The following CCDC57 variants were observed in gnomAD, a reference collection of about 807,000 sequenced individuals.
CCDC57 encodes the protein coiled-coil domain containing 57.
A neutral mutation model predicts 118.9 loss-of-function variants in CCDC57; 118 were observed. The observed-to-expected ratio is 0.99, with a 90% CI of 0.86 to 1.16. CCDC57 has a LOEUF of 1.16. CCDC57 is among the 50% of genes most tolerant of loss of function. The pLI is 0.00. For missense variants in CCDC57, 1,300 were observed against 1,320.7 expected (o/e 0.98, Z 0.24); for synonymous variants, 527 against 532.9 (o/e 0.99, Z 0.15).
At chr17:82,158,859 A>G (rs1273272581) in intron 14 of CCDC57, among the ~76,000 whole-genome samples, 3 of 140,394 alleles carry the variant, frequency 2.1e-5, no homozygotes, top group Admixed American at 1.5e-4. Flanking sequence ...CATCCAGCCT[A>G]TTTCTATTTT....
At chr17:82,211,683 T>C (rs1334941242) in intron 1 of CCDC57, among the ~76,000 whole-genome samples, 1 of 152,144 alleles carries the variant, frequency 6.6e-6, no homozygotes, top group East Asian at 1.9e-4. Flanking sequence ...GACTCTCTCT[T>C]AGCTGAGAGG....
intron 8 of CCDC57, 144 bp from the exon 8 acceptor site, chr17:82,184,076 C>A (rs2046640455): frequency 1.7e-6 from 1 of 591,278 alleles, no homozygotes; most frequent in Non-Finnish European, 3.0e-6. Flanking sequence ...CACACACACA[C>A]ACACACAGCT....
chr17:82,157,395 C>T (rs2042804426), intron 15 of CCDC57: 2 of 1,181,800 alleles, frequency 1.7e-6, no homozygotes, highest in Non-Finnish European at 2.1e-6. Flanking sequence ...GACGCCCCCT[C>T]AGCAGGCCGT....
intron 19 of CCDC57, chr17:82,127,269 G>A (rs1185898021): frequency 5.1e-6 from 5 of 985,122 alleles, no homozygotes; most frequent in Admixed American, 6.2e-5. Context: ...TCTTCCCCGG[G>A]AGCATCGCTG....
intron 2 of CCDC57, among the ~76,000 whole-genome samples, chr17:82,204,366 A>C (rs2049354229): frequency 6.6e-6 from 1 of 151,896 alleles, no homozygotes; most frequent in Admixed American, 6.6e-5. Flanking sequence ...ATGATCCTTG[A>C]CCTCTTGCTG....
chr17:82,108,712 TGACCAGCTG>T (rs2035036420), intron 19 of CCDC57: 1 of 152,188 alleles, frequency 6.6e-6, no homozygotes, highest in Non-Finnish European at 1.5e-5. Context: ...ACTGTGAGCG[TGACCAGCTG>T]GGCTAATTCG....
intron 1 of CCDC57, among the ~76,000 whole-genome samples, chr17:82,209,274 G>A (rs531345521): frequency 1.3e-5 from 2 of 152,316 alleles, no homozygotes; most frequent in South Asian, 4.1e-4. Context: ...AAGTGAGTAA[G>A]TGAGAAATAG....
chr17:82,140,122 G>A (rs1246518894), intron 16 of CCDC57, among the ~76,000 whole-genome samples: 1 of 152,042 alleles, frequency 6.6e-6, no homozygotes, highest in African/African-American at 2.4e-5. Flanking sequence ...GTCACGCTCT[G>A]TTGTCCAGGC....
At chr17:82,109,815 C>T (rs551834654) in intron 19 of CCDC57, among the ~76,000 whole-genome samples, 2 of 151,194 alleles carry the variant, frequency 1.3e-5, no homozygotes, top group Admixed American at 6.6e-5. Flanking sequence ...TGAGATCGCG[C>T]CACCGCACTC....
At chr17:82,184,781 T>C (rs1245965008) in intron 8 of CCDC57, among the ~76,000 whole-genome samples, 2 of 152,150 alleles carry the variant, frequency 1.3e-5, no homozygotes, top group Admixed American at 6.5e-5. Context: ...TGGTATTATA[T>C]AGAATGGAAA....
intron 16 of CCDC57, among the ~76,000 whole-genome samples, chr17:82,142,865 T>C (rs1025805288): frequency 6.6e-6 from 1 of 151,916 alleles, no homozygotes; most frequent in African/African-American, 2.4e-5. Context: ...GCTCGTGAAA[T>C]AGAAAAACAG....
chr17:82,120,271 T>G (rs1043209644), intron 19 of CCDC57, among the ~76,000 whole-genome samples: 1 of 151,906 alleles, frequency 6.6e-6, no homozygotes, highest in Non-Finnish European at 1.5e-5. Context: ...GTTTACAGGC[T>G]GAGTCACTGT....
rs1264583587 is a variant in CCDC57, at chr17:82,172,553, CAGTCA to C, written c.1729+80_1729+84del. ...CTCTGAAATGAAGCCTCCTTGAAGC[CAGTCA>C]AGACCCATGCTCCCGTCTGTCCTCC... On this transcript the variant is annotated intron_variant, in intron 12 of 19. Transcript: ENST00000665763. This position sits in a 1 kb window ranked among gnomAD's most constrained non-coding sequence, Gnocchi z 5.2. 4 of 1,169,818 alleles carry C rather than the reference CAGTCA, an allele frequency of 3.4e-6. No homozygotes were observed. Among genetic ancestry groups the C allele is most frequent in the Non-Finnish European group, 5.0e-6 (4 of 805,792 alleles). The allele number at this position is 1,169,818 out of a possible 1,614,324, so 72.5% of individuals were successfully genotyped here. A position where few individuals can be genotyped will look rare whatever the true frequency, so the allele number is the denominator to read the frequency against.
At chr17:82,157,813 C>T (rs757778067) in exon 15 of CCDC57, 31 of 1,604,906 alleles carry the variant, frequency 1.9e-5, no homozygotes, top group Admixed American at 1.2e-4. Context: ...TCCGCTCCCC[C>T]GTGCTGGGCT....
intron 2 of CCDC57, among the ~76,000 whole-genome samples, chr17:82,204,304 T>C (rs1312448736): frequency 6.6e-6 from 1 of 152,152 alleles, no homozygotes; most frequent in Non-Finnish European, 1.5e-5. Context: ...CCCACGCTCC[T>C]GTTCCTCGTC....
In CCDC57 at chr17:82,151,572, C is replaced by A; in HGVS notation, c.2443G>T (p.Gly815Cys). 1.9e-6 allele frequency: 3 copies of A among 1,550,336 alleles called. No homozygotes were observed. The South Asian group carries it at 3.6e-5, about 18-fold the overall frequency. The change falls in exon 16 of 20, where the codon GGC (glycine) becomes TGC (cysteine). Residue 815 changes from glycine (G) to cysteine (C), a missense_variant. By Grantham distance (159) the Gly-to-Cys change is radical. Transcript: ENST00000665763. ...TTCCCGGACTCACTTTCGGGTCGGC[C>A]CAGCTCTGCACGGAGCCTGTTCCCC...
intron 4 of CCDC57, among the ~76,000 whole-genome samples, chr17:82,196,612 C>T (rs1378656154): frequency 2.6e-5 from 4 of 152,204 alleles, no homozygotes; most frequent in Non-Finnish European, 4.4e-5. Context: ...CCCTGTCACA[C>T]CTGCACAAAG....
chr17:82,194,571 A>G (rs746550590), intron 5 of CCDC57, among the ~76,000 whole-genome samples: 28 of 152,006 alleles, frequency 1.8e-4, no homozygotes, highest in Non-Finnish European at 1.0e-4. Flanking sequence ...CAGCCTCCCA[A>G]TGTGCTGGGA....
At chr17:82,164,943 C>T (rs1203424750) in intron 13 of CCDC57, among the ~76,000 whole-genome samples, 1 of 152,126 alleles carries the variant, frequency 6.6e-6, no homozygotes, top group Non-Finnish European at 1.5e-5. Context: ...ACTCTGATTC[C>T]AAAACCTCCC....
Sources: gnomAD v4.1 joint callset for allele counts (sites outside exome capture counted in the v4.1 genomes callset) on GRCh38, gnomAD v4.1.1 for gene constraint, Gnocchi (gnomAD v3.1) non-coding constraint, MANE v1.5 for transcripts, NCBI Gene and HGNC (gene_info 2026-07-23, HGNC 2026-07-21) for gene names.